ANO1: variants seen among roughly 807,000 people sequenced by gnomAD.
ANO1 encodes anoctamin 1.
A neutral mutation model predicts 124.0 loss-of-function variants in ANO1; 59 were observed. The observed-to-expected ratio is 0.48, with a 90% CI of 0.39 to 0.59. The LOEUF (loss-of-function observed/expected upper bound fraction) is 0.59, where lower values mean the gene tolerates loss of function less well. Ranked by LOEUF, ANO1 falls within the 20% of genes least tolerant of loss-of-function variation. The pLI, the probability that ANO1 is intolerant of heterozygous loss-of-function variation, is 0.00. For missense variants in ANO1, 1,059 were observed against 1,328.0 expected (o/e 0.80, Z 3.15); for synonymous variants, 529 against 532.0 (o/e 0.99, Z 0.08).
intron 1 of ANO1, among the ~76,000 whole-genome samples, chr11:70,046,232 T>C (rs10899612): frequency 0.63 from 96,319 of 152,074 alleles, 31,047 homozygotes; most frequent in East Asian, 0.91. Context: ...TGGTTCCCTG[T>C]AAAATGATTT....
At chr11:70,072,969 G>A (rs1342521196) in intron 1 of ANO1, 1 of 152,252 alleles carries the variant, frequency 6.6e-6, no homozygotes, top group African/African-American at 2.4e-5. Context: ...TCAGGACAGG[G>A]GCTCAGAGGA....
rs1857821605 is a variant in ANO1 at position 70,069,721 on chromosome 11, G to A, written c.59-8821G>A. 2.0e-5 allele frequency among the ~76,000 whole-genome samples: 3 copies of A among 151,928 alleles called. 1 individual carries two copies. The South Asian group carries it at 6.2e-4, about 32-fold the overall frequency. ...AAACGATAATCTACGTTAGAGGCGGGGCAGGCAGCCCTGTGGCCCCTGGGC... is the reference window on the plus strand; with the variant it reads ...AAACGATAATCTACGTTAGAGGCGGAGCAGGCAGCCCTGTGGCCCCTGGGC... On this transcript the variant is annotated intron_variant, in intron 1 of 27. Coordinates refer to the ANO1 transcript ENST00000531349.
the ANO1 span, among the ~76,000 whole-genome samples, chr11:69,967,267 T>C: frequency 3.4e-5 from 5 of 146,120 alleles, no homozygotes; most frequent in Non-Finnish European, 7.5e-5. Context: ...GCGCCTGTAT[T>C]GCACGTTAGC....
At chr11:69,982,383 C>T (rs537767636), upstream of ANO1, among the ~76,000 whole-genome samples, 3 of 152,298 alleles carry the variant, frequency 2.0e-5, no homozygotes, top group East Asian at 1.9e-4. Context: ...CACCGTCCAC[C>T]TTGAAAAACC....
rs79621375 is a variant in ANO1, at chr11:70,091,055, G to A, written c.441+2971G>A. Among the ~76,000 whole-genome samples, 1,451 of 152,362 alleles carry A rather than the reference G, an allele frequency of 9.5e-3. 14 individuals carry two copies. Among genetic ancestry groups the A allele is most frequent in the Non-Finnish European group, 0.015 (1,044 of 68,038 alleles). On this transcript the variant is annotated intron_variant, in intron 2 of 25. Transcript: ENST00000355303. ...TTTGGGCGGCCTGTTCTCCTGGAGAGGGGCAGAGCCAGAATCTATTAAAAG... is the reference window on the plus strand; with the variant it reads ...TTTGGGCGGCCTGTTCTCCTGGAGAAGGGCAGAGCCAGAATCTATTAAAAG...
intron 1 of ANO1, among the ~76,000 whole-genome samples, chr11:70,027,616 A>C (rs1311944595): frequency 2.0e-5 from 3 of 152,216 alleles, no homozygotes; most frequent in East Asian, 3.8e-4. Context: ...AGGATCTCGC[A>C]CACAGTAGGT....
At chr11:70,118,959 T>G (rs2046121320) in intron 8 of ANO1, among the ~76,000 whole-genome samples, 1 of 145,066 alleles carries the variant, frequency 6.9e-6, no homozygotes, top group Admixed American at 7.0e-5. Flanking sequence ...GGTGGGTAGG[T>G]GGGTGAATGG....
At chr11:70,185,504 C>T (rs2049079692) in intron 24 of ANO1, 86 bp from the exon 25 acceptor site, 1 of 1,270,768 alleles carries the variant, frequency 7.9e-7, no homozygotes, top group Admixed American at 1.9e-5. Context: ...TGAGCCTCTC[C>T]CAGGCGTCCC....
chr11:70,186,352 GAGGAAGGAAGGA>G (rs58940209), intron 25 of ANO1, among the ~76,000 whole-genome samples: 14,846 of 126,872 alleles, frequency 0.12, 910 homozygotes, highest in Middle Eastern at 0.17. Context: ...GAGGGGGAGG[GAGGAAGGAAGGA>G]AGGAAGGAAG....
chr11:70,063,023 G>A (rs915431548), intron 1 of ANO1, among the ~76,000 whole-genome samples: 2 of 151,966 alleles, frequency 1.3e-5, no homozygotes, highest in African/African-American at 2.4e-5. Context: ...TCTGCCTCCC[G>A]GGTTCAAGCG....
At chr11:70,116,558 CG>C in intron 8 of ANO1, 59 bp downstream of exon 8, 2 of 1,527,888 alleles carry the variant, frequency 1.3e-6, no homozygotes, top group African/African-American at 2.8e-5. Context: ...CGTTCTGGGG[CG>C]GGGTGGGCCT....
At chr11:70,182,805 A>G in intron 24 of ANO1, 119 bp downstream of exon 24, 2 of 999,036 alleles carry the variant, frequency 2.0e-6, no homozygotes, top group Middle Eastern at 2.3e-4. Flanking sequence ...TTGCTTAAAA[A>G]GAAGAAGAAG....
chr11:70,150,622 C>G (rs1314780382), intron 12 of ANO1, among the ~76,000 whole-genome samples: 1 of 152,190 alleles, frequency 6.6e-6, no homozygotes, highest in African/African-American at 2.4e-5. Context: ...GCAGCCTTGA[C>G]CTCCCGGGCT....
chr11:70,043,773 T>C (rs977347760), intron 1 of ANO1, among the ~76,000 whole-genome samples: 1 of 151,988 alleles, frequency 6.6e-6, no homozygotes, highest in Non-Finnish European at 1.5e-5. Flanking sequence ...AAGAACAAAA[T>C]CTGAGAAAAT....
chr11:70,154,814 A>T (rs2047742886), intron 14 of ANO1, among the ~76,000 whole-genome samples: 1 of 152,192 alleles, frequency 6.6e-6, no homozygotes, highest in South Asian at 2.1e-4. Flanking sequence ...GCAGGACTCA[A>T]CAGAATACAA....
At chr11:69,983,439 G>A (rs368757089), upstream of ANO1, among the ~76,000 whole-genome samples, 2 of 152,098 alleles carry the variant, frequency 1.3e-5, no homozygotes, top group African/African-American at 2.4e-5. Context: ...TGACAGGCAC[G>A]CCACCTCCCC....
intron 10 of ANO1, 93 bp from the exon 11 acceptor site, chr11:70,131,826 G>T: frequency 1.4e-6 from 2 of 1,455,586 alleles, no homozygotes; most frequent in East Asian, 2.5e-5. Flanking sequence ...CCCCAGCTTG[G>T]GCCCAGCGCT....
At chr11:70,029,857 C>T (rs145718940) in intron 1 of ANO1, among the ~76,000 whole-genome samples, 11 of 152,318 alleles carry the variant, frequency 7.2e-5, no homozygotes, top group South Asian at 6.2e-4. Context: ...GCCTCTTCCT[C>T]GGTCTTCACT....
intron 1 of ANO1, among the ~76,000 whole-genome samples, chr11:70,084,723 C>T (rs771804364): frequency 6.6e-6 from 1 of 152,188 alleles, no homozygotes; most frequent in African/African-American, 2.4e-5. Flanking sequence ...CCAAACCTCC[C>T]GACTAGCCTG....
Sources: gnomAD v4.1 joint callset for allele counts (sites outside exome capture counted in the v4.1 genomes callset) on GRCh38, gnomAD v4.1.1 for gene constraint, MANE v1.5 for transcripts, NCBI Gene and HGNC (gene_info 2026-07-23, HGNC 2026-07-21) for gene names.